The following ATP11A variants were observed in gnomAD, a reference collection of about 807,000 sequenced individuals.
The protein encoded by ATP11A is phospholipid-transporting ATPase IH.
In ATP11A, 81 loss-of-function variants were observed where a neutral mutation model predicts 154.4. The ratio of observed to expected loss-of-function variants is 0.52; its 90% CI spans 0.44 to 0.63. ATP11A has a LOEUF of 0.63. Ranked by LOEUF, ATP11A falls within the 30% of genes least tolerant of loss-of-function variation. The pLI, the probability that ATP11A is intolerant of heterozygous loss-of-function variation, is 0.00. For synonymous variants in ATP11A, 623 were observed against 585.9 expected, an observed-to-expected ratio of 1.06 and a Z score of -0.91; for missense variants, 1,316 against 1,474.3, an observed-to-expected ratio of 0.89 and a Z score of 1.76.
At chr13:112,819,224 A>G (rs1464175694) in intron 6 of ATP11A, 80 bp from the exon 7 acceptor site, 1 of 1,164,104 alleles carries the variant, frequency 8.6e-7, no homozygotes, top group African/African-American at 1.5e-5. Flanking sequence ...AGGCTTTGTA[A>G]TCACTTGGTT....
At chr13:112,809,542 T>C (rs2078428638) in intron 4 of ATP11A, among the ~76,000 whole-genome samples, 1 of 152,078 alleles carries the variant, frequency 6.6e-6, no homozygotes, top group Admixed American at 6.5e-5. Context: ...TCCTGTGTGG[T>C]TGTGTGTCTC....
chr13:112,721,914 C>A (rs540281423), intron 1 of ATP11A, among the ~76,000 whole-genome samples: 141 of 152,338 alleles, frequency 9.3e-4, no homozygotes, highest in Admixed American at 2.3e-3. Context: ...GCTGGAGGCG[C>A]CAAGTGCAGG....
intron 1 of ATP11A, among the ~76,000 whole-genome samples, chr13:112,707,114 C>T (rs1887226110): frequency 6.6e-6 from 1 of 152,178 alleles, no homozygotes; most frequent in Non-Finnish European, 1.5e-5. Flanking sequence ...CAGTGCAGTG[C>T]TGGGTCAAGA....
intron 26 of ATP11A, 62 bp downstream of exon 26, chr13:112,871,862 C>G (rs2080532787): frequency 6.7e-7 from 1 of 1,491,386 alleles, no homozygotes. Flanking sequence ...GTGTAGGCCT[C>G]ACGCGCTCTG....
intron 1 of ATP11A, among the ~76,000 whole-genome samples, chr13:112,735,577 G>A (rs1196559628): frequency 6.6e-6 from 1 of 152,222 alleles, no homozygotes; most frequent in Non-Finnish European, 1.5e-5. Context: ...GAGAGGTTGT[G>A]ATGCTTGCTG....
At chr13:112,750,686 A>G (rs1258006874) in intron 1 of ATP11A, among the ~76,000 whole-genome samples, 1 of 152,250 alleles carries the variant, frequency 6.6e-6, no homozygotes, top group Non-Finnish European at 1.5e-5. Flanking sequence ...CTTTCAGTCC[A>G]CTTTGCTCAC....
chr13:112,794,166 T>C (rs2077935509), intron 2 of ATP11A, among the ~76,000 whole-genome samples: 2 of 152,360 alleles, frequency 1.3e-5, no homozygotes, highest in African/African-American at 2.4e-5. Context: ...GGTTCTATGC[T>C]GTGGCTTTCA....
At chr13:112,802,867 C>T (rs553306386) in intron 2 of ATP11A, among the ~76,000 whole-genome samples, 1 of 152,158 alleles carries the variant, frequency 6.6e-6, no homozygotes, top group Non-Finnish European at 1.5e-5. Context: ...GCAAAACACA[C>T]ATCTGATAAA....
intron 9 of ATP11A, among the ~76,000 whole-genome samples, chr13:112,823,686 T>G (rs1236183556): frequency 6.6e-6 from 1 of 152,260 alleles, no homozygotes; most frequent in East Asian, 1.9e-4. Flanking sequence ...AGTTTAGTTG[T>G]GCAGGAAATG....
chr13:112,856,938 C>G (rs1024621418), intron 20 of ATP11A: 1 of 152,200 alleles, frequency 6.6e-6, no homozygotes, highest in Admixed American at 6.5e-5. Context: ...CTCAGAATGA[C>G]GAGCCTAGAG....
At chr13:112,877,563 G>T (rs1288641229) in intron 28 of ATP11A, among the ~76,000 whole-genome samples, 1 of 152,208 alleles carries the variant, frequency 6.6e-6, no homozygotes, top group Non-Finnish European at 1.5e-5. Flanking sequence ...GGTGCAGCTT[G>T]GGGGTGTCTG....
In ATP11A at chr13:112,807,696, C is replaced by A. The variant is rs1183640570; in HGVS notation, c.333+1403C>A. On this transcript the variant is annotated intron_variant, in intron 4 of 29. Coordinates refer to ENST00000375645, the MANE Select transcript of ATP11A (RefSeq NM_015205.3). This position sits in a 1 kb window ranked among gnomAD's most constrained non-coding sequence, Gnocchi z 4.5. Reference sequence around the variant, plus strand: ...TGTTACTCGGGGACCTGCCATGTGTCCTCGGGCCCAAAGTCACAGTTTCCA... The same window carrying A: ...TGTTACTCGGGGACCTGCCATGTGTACTCGGGCCCAAAGTCACAGTTTCCA... Among the ~76,000 whole-genome samples, 3 of 152,128 alleles carry A rather than the reference C, an allele frequency of 2.0e-5. No homozygotes were observed. The highest frequency in any genetic ancestry group is 4.4e-5 in the Non-Finnish European group (3 of 68,020).
At chr13:112,759,061 C>G (rs567179998) in intron 1 of ATP11A, among the ~76,000 whole-genome samples, 1 of 152,214 alleles carries the variant, frequency 6.6e-6, no homozygotes, top group African/African-American at 2.4e-5. Context: ...AAATACTTCT[C>G]TTGTAAAAAC....
intron 1 of ATP11A, among the ~76,000 whole-genome samples, chr13:112,756,602 G>C (rs2076839939): frequency 6.6e-6 from 1 of 152,256 alleles, no homozygotes; most frequent in Non-Finnish European, 1.5e-5. Context: ...CACGATTTCA[G>C]ACCGCTGGTG....
Position 112,785,270 on chromosome 13 carries a change from G to C in ATP11A, c.162+13G>C, listed in dbSNP as rs371369782. 2.7e-6 allele frequency: 4 copies of C among 1,491,702 alleles called. No homozygotes were observed. In the African/African-American group the frequency reaches 4.3e-5, roughly 16 times the overall value. The allele number at this position is 1,491,702 out of a possible 1,614,324, so 92.4% of individuals were successfully genotyped here. ...CGTCTCGTCCAAGGTAACTTGGCTTGGGTCTGAGTGTCCATAATGTGTCTA... is the reference window on the plus strand; with the variant it reads ...CGTCTCGTCCAAGGTAACTTGGCTTCGGTCTGAGTGTCCATAATGTGTCTA... On this transcript the variant is annotated intron_variant, in intron 2 of 29. Transcript: ENST00000375645. The surrounding 1 kb of genome is among the most constrained non-coding windows in gnomAD (Gnocchi z 4.8).
chr13:112,852,515 G>A (rs567869680), intron 18 of ATP11A, among the ~76,000 whole-genome samples: 1 of 152,216 alleles, frequency 6.6e-6, no homozygotes, highest in Non-Finnish European at 1.5e-5. Flanking sequence ...GCTTCAGAGC[G>A]CAGGGCCACG....
intron 1 of ATP11A, among the ~76,000 whole-genome samples, chr13:112,783,745 C>T (rs1289242138): frequency 6.6e-6 from 1 of 152,208 alleles, no homozygotes; most frequent in South Asian, 2.1e-4. Flanking sequence ...GCCAGGGCTG[C>T]GTATTCAGAT....
At chr13:112,782,483 C>T (rs575603851) in intron 1 of ATP11A, among the ~76,000 whole-genome samples, 2 of 152,088 alleles carry the variant, frequency 1.3e-5, no homozygotes, top group Non-Finnish European at 2.9e-5. Context: ...TTCCTGATTT[C>T]ACGAGAATGA....
chr13:112,815,851 T>C lies in ATP11A; in HGVS notation c.442-232T>C, dbSNP rs183786513. Among the ~76,000 whole-genome samples, 401 of 152,284 alleles carry C rather than the reference T, an allele frequency of 2.6e-3. 2 individuals carry two copies. The highest frequency in any genetic ancestry group is 9.0e-3 in the African/African-American group (374 of 41,562). ...TCTTGGTCTGAATCAAAGATAACCT[T>C]GTTACAGGTGTTTGTCTGTGTTTTT... On this transcript the variant is annotated intron_variant, in intron 5 of 29. Transcript: ENST00000375645.
Sources: allele counts gnomAD v4.1 joint callset (sites outside exome capture counted in the v4.1 genomes callset), GRCh38; gene constraint gnomAD v4.1.1; non-coding constraint Gnocchi (gnomAD v3.1); transcripts MANE v1.5; gene names NCBI Gene and HGNC (gene_info 2026-07-23, HGNC 2026-07-21).